CELA1: variants seen among roughly 807,000 people sequenced by gnomAD.
CELA1 encodes chymotrypsin like elastase 1.
CELA1 carries 28 observed loss-of-function variants against 34.8 expected under a neutral mutation model. That is an observed-to-expected ratio of 0.80 (90% CI 0.60 to 1.10). The LOEUF is 1.10. Among genes scored for constraint, CELA1 ranks in the 50% least tolerant of loss-of-function variants. The pLI is 0.00. For missense variants in CELA1, 288 were observed against 327.5 expected (o/e 0.88, Z 0.93); for synonymous variants, 140 against 129.8 (o/e 1.08, Z -0.53).
At chr12:51,343,175 A>G (rs1946548129) in intron 3 of CELA1, among the ~76,000 whole-genome samples, 1 of 152,228 alleles carries the variant, frequency 6.6e-6, no homozygotes, top group Non-Finnish European at 1.5e-5. Flanking sequence ...GCTCTCAGCC[A>G]CCAAGATTTT....
intron 6 of CELA1, among the ~76,000 whole-genome samples, chr12:51,337,622 AT>A (rs1946508418): frequency 6.8e-6 from 1 of 146,672 alleles, no homozygotes; most frequent in African/African-American, 2.5e-5. Context: ...AATGTTATTT[AT>A]GGGCACTGAA....
chr12:51,333,209 C>G (rs1219798487), intron 6 of CELA1, among the ~76,000 whole-genome samples: 1 of 151,864 alleles, frequency 6.6e-6, no homozygotes, highest in East Asian at 1.9e-4. Flanking sequence ...GTTCTCCTGC[C>G]TCAGCCTCCC....
At chr12:51,328,629 C>A (rs1196147421) in intron 7 of CELA1, 35 bp from the exon 8 acceptor site, 1 of 1,605,384 alleles carries the variant, frequency 6.2e-7, no homozygotes, top group African/African-American at 1.3e-5. Flanking sequence ...CAGTCAGTAA[C>A]TCCTGCCTAC....
intron 6 of CELA1, among the ~76,000 whole-genome samples, chr12:51,338,716 G>A (rs3847862): frequency 0.41 from 62,215 of 152,070 alleles, 13,172 homozygotes; most frequent in East Asian, 0.58. Flanking sequence ...CTGTGCCTCT[G>A]GTTTCTTTAC....
At chr12:51,331,321 G>A (rs1274105327) in intron 6 of CELA1, among the ~76,000 whole-genome samples, 1 of 152,104 alleles carries the variant, frequency 6.6e-6, no homozygotes, top group Non-Finnish European at 1.5e-5. Flanking sequence ...CCCAGGAGCT[G>A]GAGGTTGTAG....
At position 51,328,516 on chromosome 12, in the gene CELA1, C is replaced by G; in HGVS notation, c.*61G>C. 1 of 1,567,938 alleles carries G rather than the reference C, an allele frequency of 6.4e-7. No individual in the cohort carries two copies. The highest frequency in any genetic ancestry group is 8.8e-7 in the Non-Finnish European group (1 of 1,138,596). On this transcript the variant is annotated 3_prime_UTR_variant, in exon 8 of 8. Coordinates refer to ENST00000293636, the MANE Select transcript of CELA1 (RefSeq NM_001971.6). ...TTCAGAATGTGTTTTACTTTTTGAT[C>G]GCAAGTCCTACTGCAGATCTAAGAA...
At chr12:51,338,194 C>A (rs555245198) in intron 6 of CELA1, among the ~76,000 whole-genome samples, 1 of 149,068 alleles carries the variant, frequency 6.7e-6, no homozygotes, top group Admixed American at 6.7e-5. Flanking sequence ...GCTGAGATTG[C>A]GCCACTGCAC....
chr12:51,336,582 G>A (rs778308193), intron 6 of CELA1, among the ~76,000 whole-genome samples: 13 of 152,158 alleles, frequency 8.5e-5, no homozygotes, highest in East Asian at 5.8e-4. Context: ...AGCTGAGATC[G>A]CGCTACTGCA....
At chr12:51,345,163 C>T (rs965599607) in intron 2 of CELA1, among the ~76,000 whole-genome samples, 1 of 151,938 alleles carries the variant, frequency 6.6e-6, no homozygotes, top group Non-Finnish European at 1.5e-5. Flanking sequence ...TTGTTTTTAT[C>T]AGTTCATGTC....
At chr12:51,330,497 A>G (rs1371444644) in intron 6 of CELA1, among the ~76,000 whole-genome samples, 2 of 152,210 alleles carry the variant, frequency 1.3e-5, no homozygotes, top group Non-Finnish European at 2.9e-5. Flanking sequence ...GGAAAGACCT[A>G]AAGATACTGA....
rs1946531893 is a variant in CELA1, at chr12:51,341,156, C to T, written c.463+88G>A. On this transcript the variant is annotated intron_variant, in intron 5 of 7. Transcript: ENST00000293636. ...TTAGCTCCTGGTCTCTGGCCATAAG[C>T]ACCTAGGACCACAGAAAAAGGTGTC... 6 of 1,408,984 alleles carry T rather than the reference C, an allele frequency of 4.3e-6. No individual in the cohort carries two copies. The Admixed American group carries it at 1.0e-4, about 25-fold the overall frequency. The allele number at this position is 1,408,984 out of a possible 1,614,324, so 87.3% of individuals were successfully genotyped here.
intron 6 of CELA1, among the ~76,000 whole-genome samples, chr12:51,332,429 A>G (rs1946475587): frequency 6.6e-6 from 1 of 152,158 alleles, no homozygotes; most frequent in African/African-American, 2.4e-5. Context: ...CAGTGTAAGT[A>G]TATAATTTTA....
intron 6 of CELA1, among the ~76,000 whole-genome samples, chr12:51,332,691 C>G (rs188956513): frequency 6.6e-6 from 1 of 151,924 alleles, no homozygotes; most frequent in East Asian, 2.0e-4. Context: ...ATAGCGAAAC[C>G]CCGACTCTAC....
intron 5 of CELA1, 51 bp from the exon 6 acceptor site, chr12:51,340,056 A>G (rs893735295): frequency 1.9e-6 from 3 of 1,554,748 alleles, no homozygotes; most frequent in South Asian, 1.2e-5. Flanking sequence ...GGTCCAGCAG[A>G]AAAACCTTCC....
chr12:51,336,488 G>T lies in CELA1; in HGVS notation c.609+3372C>A, dbSNP rs1189520838. Among the ~76,000 whole-genome samples the T allele has an allele frequency of 9.2e-5, 14 of 152,282 alleles. No individual in the cohort carries two copies. In the South Asian group the frequency reaches 2.7e-3, roughly 29 times the overall value. ...CTAAAAATACAAAAATTAGCCAGGT[G>T]TTGTGGCACATGCCTGTAATCCCGG... On this transcript the variant is annotated intron_variant, in intron 6 of 7. Coordinates refer to ENST00000293636, the MANE Select transcript of CELA1 (RefSeq NM_001971.6).
At chr12:51,331,687 G>A (rs1249437289) in intron 6 of CELA1, among the ~76,000 whole-genome samples, 15 of 152,202 alleles carry the variant, frequency 9.9e-5, no homozygotes, top group Admixed American at 7.2e-4. Flanking sequence ...AAGGTCTGGA[G>A]TTTCCGGGAA....
chr12:51,344,853 T>G (rs2359601), intron 2 of CELA1, among the ~76,000 whole-genome samples: 145,491 of 152,172 alleles, frequency 0.96, 69,901 homozygotes, highest in Middle Eastern at 1. Flanking sequence ...GGCCAGGCGC[T>G]GTGGCTCATG....
intron 2 of CELA1, among the ~76,000 whole-genome samples, chr12:51,344,272 T>A (rs1475676253): frequency 1.3e-5 from 2 of 152,208 alleles, no homozygotes; most frequent in African/African-American, 4.8e-5. Flanking sequence ...TGATGTTTGC[T>A]GTGTACATGG....
At chr12:51,343,983 C>T in intron 2 of CELA1, 130 bp from the exon 3 acceptor site, 1 of 640,122 alleles carries the variant, frequency 1.6e-6, no homozygotes, top group South Asian at 1.7e-5. Context: ...TCAGTTGAGC[C>T]TAGGAGCTGG....
Sources: gnomAD v4.1 joint callset for allele counts (sites outside exome capture counted in the v4.1 genomes callset) on GRCh38, gnomAD v4.1.1 for gene constraint, MANE v1.5 for transcripts, NCBI Gene and HGNC (gene_info 2026-07-23, HGNC 2026-07-21) for gene names.